The following ST3GAL2 variants were observed in gnomAD, a reference collection of about 807,000 sequenced individuals.
The protein encoded by ST3GAL2 is CMP-N-acetylneuraminate-beta-galactosamide-alpha-2,3-sialyltransferase 2.
ST3GAL2 carries 16 observed loss-of-function variants against 37.5 expected under a neutral mutation model. The ratio of observed to expected loss-of-function variants is 0.43; its 90% confidence interval spans 0.29 to 0.65. ST3GAL2 has a LOEUF of 0.65. Among genes scored for constraint, ST3GAL2 ranks in the 30% least tolerant of loss-of-function variants. The pLI, the probability that ST3GAL2 is intolerant of heterozygous loss-of-function variation, is 0.17. For missense variants in ST3GAL2, 383 were observed against 487.8 expected, an observed-to-expected ratio of 0.79 and a Z score of 2.02; for synonymous variants, 238 against 202.9, an observed-to-expected ratio of 1.17 and a Z score of -1.47.
At chr16:70,438,368 G>A (rs1233838265) in intron 1 of ST3GAL2, among the ~76,000 whole-genome samples, 1 of 152,218 alleles carries the variant, frequency 6.6e-6, no homozygotes, top group Non-Finnish European at 1.5e-5. Context: ...CCACGGGACT[G>A]GCGCTTTGGC....
intron 1 of ST3GAL2, among the ~76,000 whole-genome samples, chr16:70,413,534 G>A (rs2047653783): frequency 7.3e-6 from 1 of 136,860 alleles, no homozygotes; most frequent in Admixed American, 7.5e-5. Context: ...TGACCAACAT[G>A]GAGAAACCCG....
intron 3 of ST3GAL2, among the ~76,000 whole-genome samples, chr16:70,390,546 T>G (rs1324829029): frequency 1.3e-5 from 2 of 152,192 alleles, no homozygotes; most frequent in African/African-American, 4.8e-5. Context: ...ACTACCACCC[T>G]ATTCCTGTCT....
intron 1 of ST3GAL2, among the ~76,000 whole-genome samples, chr16:70,427,706 A>G (rs960652586): frequency 2.6e-5 from 4 of 152,176 alleles, no homozygotes; most frequent in African/African-American, 9.6e-5. Flanking sequence ...CCTGAAATGT[A>G]AGAGTCATAT....
At chr16:70,406,579 T>A (rs2047593624) in intron 1 of ST3GAL2, among the ~76,000 whole-genome samples, 1 of 150,634 alleles carries the variant, frequency 6.6e-6, no homozygotes, top group Non-Finnish European at 1.5e-5. Context: ...GTTAGGAGTT[T>A]GAGACCAGCT....
chr16:70,411,195 G>A (rs1273940614), intron 1 of ST3GAL2, among the ~76,000 whole-genome samples: 1 of 151,872 alleles, frequency 6.6e-6, no homozygotes, highest in Non-Finnish European at 1.5e-5. Context: ...GACCAGCCTG[G>A]GCAACATGGT....
rs1281889773 is a variant in ST3GAL2, at chr16:70,398,534, G to A, written c.-4C>T. 4.4e-6 allele frequency: 7 copies of A among 1,588,122 alleles called. No homozygotes were observed. Among genetic ancestry groups the A allele is most frequent in the South Asian group, 1.1e-5 (1 of 89,382 alleles). ...ACACCCGCAGGGAGCACTTCATGGT[G>A]CCGGCAGGCGGGTGACGGTCACCGT... On this transcript the variant is annotated 5_prime_UTR_variant, in exon 2 of 7. Coordinates refer to ENST00000342907, the MANE Select transcript of ST3GAL2 (RefSeq NM_006927.4).
chr16:70,437,020 T>C (rs779810842), intron 1 of ST3GAL2, among the ~76,000 whole-genome samples: 2 of 152,190 alleles, frequency 1.3e-5, no homozygotes, highest in African/African-American at 4.8e-5. Flanking sequence ...CCCAGGTGCC[T>C]TCTCGAGAAG....
rs572095929 is a variant in ST3GAL2 at position 70,396,476 on chromosome 16, G to C, written c.340-1301C>G. 5.3e-3 allele frequency among the ~76,000 whole-genome samples: 809 copies of C among 152,206 alleles called. 3 individuals carry two copies. Among genetic ancestry groups the C allele is most frequent in the Non-Finnish European group, 8.6e-3 (584 of 67,990 alleles). Reference sequence around the variant, plus strand: ...AAAAATTAGCCAGGCGTGGTGGCACGTGCCTGTAGTCCCAGCTACTCTGAA... The same window carrying C: ...AAAAATTAGCCAGGCGTGGTGGCACCTGCCTGTAGTCCCAGCTACTCTGAA... On this transcript the variant is annotated intron_variant, in intron 2 of 6. Transcript: ENST00000342907.
chr16:70,419,168 T>C (rs1052744721), intron 1 of ST3GAL2, among the ~76,000 whole-genome samples: 8 of 152,188 alleles, frequency 5.3e-5, no homozygotes, highest in Non-Finnish European at 7.3e-5. Flanking sequence ...TCAGGCCTGC[T>C]AGACCCCAGC....
intron 1 of ST3GAL2, among the ~76,000 whole-genome samples, chr16:70,422,727 C>A (rs2047723765): frequency 6.6e-6 from 1 of 152,160 alleles, no homozygotes; most frequent in Non-Finnish European, 1.5e-5. Flanking sequence ...GGCCCAGAGA[C>A]CCCAGCAAAG....
chr16:70,381,548 GT>G lies in ST3GAL2; in HGVS notation c.*140del. On this transcript the variant is annotated 3_prime_UTR_variant, in exon 7 of 7. Coordinates refer to ENST00000342907, the MANE Select transcript of ST3GAL2 (RefSeq NM_006927.4). ...CGCAGATTGGTGCCAGGCCCGGCCG[GT>G]CCCCCAGTCTCGTGATTGGCGGGGC... 3.9e-6 allele frequency: 4 copies of G among 1,021,614 alleles called. No individual in the cohort carries two copies. 63.3% of individuals were successfully genotyped at this position (1,021,614 alleles called of 1,614,324 possible).
Position 70,413,799 on chromosome 16 carries a change from C to T in ST3GAL2, c.-1003-14266G>A, listed in dbSNP as rs183490364. ...ATAAATAAATAAATAAAAGCTTTAG[C>T]CCCAGGAAATGGTAACAACTTTTCT... is the stretch of plus-strand genomic sequence containing the variant. On this transcript the variant is annotated intron_variant, in intron 1 of 6. Coordinates refer to ENST00000342907, the MANE Select transcript of ST3GAL2 (RefSeq NM_006927.4). Among the ~76,000 whole-genome samples the T allele has an allele frequency of 3.3e-3, 501 of 150,406 alleles. 2 individuals carry two copies. The highest frequency in any genetic ancestry group is 0.011 in the African/African-American group (447 of 40,508).
intron 1 of ST3GAL2, among the ~76,000 whole-genome samples, chr16:70,424,536 G>C (rs1032576156): frequency 6.6e-6 from 1 of 151,800 alleles, no homozygotes; most frequent in Non-Finnish European, 1.5e-5. Flanking sequence ...GGGAGGTGGA[G>C]GTCGCGGTGA....
intron 3 of ST3GAL2, among the ~76,000 whole-genome samples, chr16:70,388,860 C>T (rs988502786): frequency 2.0e-5 from 3 of 148,084 alleles, no homozygotes; most frequent in Admixed American, 1.4e-4. Context: ...GTCAGGAGTT[C>T]GAGACCAGCC....
intron 1 of ST3GAL2, among the ~76,000 whole-genome samples, chr16:70,404,604 G>A (rs780976747): frequency 3.9e-5 from 6 of 152,194 alleles, no homozygotes; most frequent in Non-Finnish European, 8.8e-5. Flanking sequence ...TTGGGAATGT[G>A]AAATGGTGCA....
rs56342720 is a variant in ST3GAL2, at chr16:70,426,181, C to CTTTTTTTTTTT, written c.-1004+12757_-1004+12767dup. 6.0e-4 allele frequency among the ~76,000 whole-genome samples: 60 copies of CTTTTTTTTTTT among 99,500 alleles called. 2 individuals carry two copies. The highest frequency in any genetic ancestry group is 1.9e-3 in the East Asian group (6 of 3,136). The allele number at this position is 99,500 out of a possible 152,430, so 65.3% of individuals were successfully genotyped here. A position where few individuals can be genotyped will look rare whatever the true frequency, so the allele number is the denominator to read the frequency against. On this transcript the variant is annotated intron_variant, in intron 1 of 6. Transcript: ENST00000342907. ...TGCAATGCATTATGGGGGCCAAAGC[C>CTTTTTTTTTTT]TTTTTTTTTTTTTTTTTTTTTTTTG... is the stretch of plus-strand genomic sequence containing the variant.
intron 2 of ST3GAL2, among the ~76,000 whole-genome samples, chr16:70,397,043 CTTTTTTTTT>C (rs35885469): frequency 7.7e-6 from 1 of 130,286 alleles, no homozygotes; most frequent in Non-Finnish European, 1.6e-5. Context: ...TCTTTTCTTT[CTTTTTTTTT>C]TTTTTTTGAG....
Position 70,378,962 on chromosome 16 carries a change from C to G in ST3GAL2, c.*2727G>C, listed in dbSNP as rs1422769649. On this transcript the variant is annotated 3_prime_UTR_variant, in exon 7 of 7. Coordinates refer to ENST00000342907, the MANE Select transcript of ST3GAL2 (RefSeq NM_006927.4). ...GGGATGAGCCGACATCGGGCCATTGCACTCCAGCCTGGGTAACAGAACAAG... is the reference window on the plus strand; with the variant it reads ...GGGATGAGCCGACATCGGGCCATTGGACTCCAGCCTGGGTAACAGAACAAG... 6.6e-6 allele frequency: 1 copy of G among 152,234 alleles called. No individual in the cohort carries two copies. Among genetic ancestry groups the G allele is most frequent in the Non-Finnish European group, 1.5e-5 (1 of 68,086 alleles). The allele number at this position is 152,234 out of a possible 1,614,324, so 9.4% of individuals were successfully genotyped here. A position where few individuals can be genotyped will look rare whatever the true frequency, so the allele number is the denominator to read the frequency against.
chr16:70,415,723 A>AT (rs1484328095), intron 1 of ST3GAL2, among the ~76,000 whole-genome samples: 1 of 145,326 alleles, frequency 6.9e-6, no homozygotes, highest in Non-Finnish European at 1.5e-5. Context: ...AAGTGCTAGG[A>AT]TTACAGGCGT....
Sources: gnomAD v4.1 joint callset for allele counts (sites outside exome capture counted in the v4.1 genomes callset) on GRCh38, gnomAD v4.1.1 for gene constraint, MANE v1.5 for transcripts, NCBI Gene and HGNC (gene_info 2026-07-23, HGNC 2026-07-21) for gene names.